DCBLD1: variants seen among roughly 807,000 people sequenced by gnomAD.
DCBLD1 encodes discoidin, CUB and LCCL domain containing 1, also known as discoidin, CUB and LCCL domain-containing protein 1.
In DCBLD1, 57 loss-of-function variants were observed where a neutral mutation model predicts 71.5. That is an observed-to-expected ratio of 0.80 (90% CI 0.64 to 0.99). The LOEUF (loss-of-function observed/expected upper bound fraction) is 0.99. Among genes scored for constraint, DCBLD1 ranks in the 50% least tolerant of loss-of-function variants. The probability of loss-of-function intolerance (pLI) is 0.00; values close to 1 mark genes in which losing one functional copy is unlikely to be tolerated. For missense variants in DCBLD1, 891 were observed against 923.5 expected (o/e 0.96, Z 0.46); for synonymous variants, 380 against 363.8 (o/e 1.04, Z -0.51).
Position 117,549,034 on chromosome 6 carries a change from G to C in DCBLD1, c.*595G>C. ...TACTTGAAGCATGAAAAGCACACCA[G>C]GGTGGTTGTTTATTTAGCAATTATG... On this transcript the variant is annotated 3_prime_UTR_variant, in exon 15 of 15. Coordinates refer to ENST00000338728, the MANE Select transcript of DCBLD1 (RefSeq NM_001366458.2). 1 of 986,482 alleles carries C rather than the reference G, an allele frequency of 1.0e-6. No individual in the cohort carries two copies. The highest frequency in any genetic ancestry group is 1.2e-6 in the Non-Finnish European group (1 of 830,756). 61.1% of individuals were successfully genotyped at this position (986,482 alleles called of 1,614,324 possible). A position where few individuals can be genotyped will look rare whatever the true frequency, so the allele number is the denominator to read the frequency against.
At chr6:117,487,859 T>C (rs1042378239) in intron 1 of DCBLD1, among the ~76,000 whole-genome samples, 3 of 151,922 alleles carry the variant, frequency 2.0e-5, no homozygotes, top group African/African-American at 7.3e-5. Context: ...TGAGGAGTCA[T>C]GTGGATGTTA....
chr6:117,550,993 C>T (rs1311651770), downstream of DCBLD1, among the ~76,000 whole-genome samples: 1 of 152,188 alleles, frequency 6.6e-6, no homozygotes, highest in Admixed American at 6.5e-5. Flanking sequence ...GCCCAAAACA[C>T]AGCCCATGCA....
chr6:117,554,939 T>G (rs1779478117), intron 14 of DCBLD1, among the ~76,000 whole-genome samples: 1 of 152,090 alleles, frequency 6.6e-6, no homozygotes, highest in Non-Finnish European at 1.5e-5. Context: ...TCTTTCTTTG[T>G]GGCAATCTTG....
intron 1 of DCBLD1, among the ~76,000 whole-genome samples, chr6:117,500,179 C>A (rs1582974229): frequency 1.3e-5 from 2 of 152,168 alleles, no homozygotes; most frequent in East Asian, 3.9e-4. Context: ...TGTGGAAGCA[C>A]AAGAGAGTGA....
chr6:117,543,790 T>TA (rs1189098171), intron 12 of DCBLD1, among the ~76,000 whole-genome samples: 2 of 152,066 alleles, frequency 1.3e-5, no homozygotes, highest in Non-Finnish European at 2.9e-5. Flanking sequence ...CCCTGAAGAG[T>TA]AAAAGGAATA....
chr6:117,534,375 A>C (rs772919695), intron 6 of DCBLD1, among the ~76,000 whole-genome samples: 5 of 152,204 alleles, frequency 3.3e-5, no homozygotes, highest in Non-Finnish European at 5.9e-5. Context: ...TGCACAGTAA[A>C]CCTTTAAATG....
At position 117,544,612 on chromosome 6, in the gene DCBLD1, C is replaced by T. The variant is rs376207251; in HGVS notation, c.1495+35C>T. On this transcript the variant is annotated intron_variant, in intron 13 of 14. Coordinates refer to ENST00000338728, the MANE Select transcript of DCBLD1 (RefSeq NM_001366458.2). ...AAACTCTATCTACAATTTTATCTGT[C>T]TTTGAGGAAGGGACAGGATCTGCTG... 1.0e-4 allele frequency: 165 copies of T among 1,611,980 alleles called. 3 individuals are homozygous for T. Among genetic ancestry groups the T allele is most frequent in the East Asian group, 9.4e-4 (42 of 44,804 alleles).
At chr6:117,536,163 A>G (rs1322789431) in intron 6 of DCBLD1, among the ~76,000 whole-genome samples, 4 of 152,192 alleles carry the variant, frequency 2.6e-5, no homozygotes, top group Admixed American at 2.6e-4. Context: ...ATGTTTTAGT[A>G]CTCTCTGTGT....
At chr6:117,542,025 G>T (rs559718485) in intron 11 of DCBLD1, among the ~76,000 whole-genome samples, 2 of 152,112 alleles carry the variant, frequency 1.3e-5, no homozygotes, top group East Asian at 3.9e-4. Flanking sequence ...GGGCACATTG[G>T]CTCATGCCTG....
rs979122802 is a variant in DCBLD1 at position 117,548,058 on chromosome 6, C to T, written c.1767C>T (p.Tyr589=). ...CGCAGCGGGCCGGCCGCCACGAGTA[C>T]GCGCTGCCCCTGGCGCCCCCGGAGC... ...DCPQRAGRHE[Y]ALPLAPPEPE... The change falls in exon 15 of 15, where the codon TAC becomes TAT. Residue 589 remains tyrosine, a synonymous_variant. Coordinates refer to ENST00000338728, the MANE Select transcript of DCBLD1 (RefSeq NM_001366458.2). 6.5e-6 allele frequency: 10 copies of T among 1,548,776 alleles called. No individual in the cohort carries two copies. Among genetic ancestry groups the T allele is most frequent in the African/African-American group, 4.1e-5 (3 of 73,102 alleles).
chr6:117,566,534 T>A (rs564208927), intron 14 of DCBLD1, among the ~76,000 whole-genome samples: 1 of 152,260 alleles, frequency 6.6e-6, no homozygotes, highest in Non-Finnish European at 1.5e-5. Context: ...GACAATGTAG[T>A]CTACAAGATA....
intron 1 of DCBLD1, 66 bp downstream of exon 1, chr6:117,482,959 GCGGGCCGGGC>G (rs568118087): frequency 1.6e-6 from 1 of 635,178 alleles, no homozygotes; most frequent in East Asian, 1.2e-4. Context: ...GGGCTGCGGG[GCGGGCCGGGC>G]CGGGCCGAGG....
chr6:117,563,536 ATGTGG>A, intron 14 of DCBLD1: 1 of 656,444 alleles, frequency 1.5e-6, no homozygotes, highest in Non-Finnish European at 2.6e-6. Context: ...AGCCTGGACA[ATGTGG>A]TGAAACCCCG....
chr6:117,520,678 C>T (rs764967598), intron 3 of DCBLD1, among the ~76,000 whole-genome samples: 4 of 152,178 alleles, frequency 2.6e-5, no homozygotes, highest in African/African-American at 9.7e-5. Flanking sequence ...GAGAGAGAAG[C>T]ACGGGCTCCT....
At chr6:117,490,264 C>T (rs1489532301) in intron 1 of DCBLD1, among the ~76,000 whole-genome samples, 1 of 152,190 alleles carries the variant, frequency 6.6e-6, no homozygotes, top group Non-Finnish European at 1.5e-5. Flanking sequence ...CCTCTGCTCC[C>T]TAGTCTGTGT....
intron 1 of DCBLD1, chr6:117,494,628 A>C (rs562244852): frequency 6.6e-6 from 1 of 152,320 alleles, no homozygotes; most frequent in Non-Finnish European, 1.5e-5. Flanking sequence ...GAAATTAAGA[A>C]ACTTCTCTTA....
chr6:117,517,900 G>T (rs754399555), intron 2 of DCBLD1, among the ~76,000 whole-genome samples: 3 of 152,226 alleles, frequency 2.0e-5, no homozygotes, highest in Non-Finnish European at 4.4e-5. Context: ...GGGAAGGGTT[G>T]CCTTGAAGAC....
intron 1 of DCBLD1, among the ~76,000 whole-genome samples, chr6:117,488,450 C>T (rs1777165237): frequency 6.6e-6 from 1 of 151,988 alleles, no homozygotes; most frequent in East Asian, 1.9e-4. Context: ...TCCAGACCAG[C>T]CTGGGCAACA....
chr6:117,539,456 T>A, intron 9 of DCBLD1, 77 bp downstream of exon 9: 1 of 1,453,116 alleles, frequency 6.9e-7, no homozygotes, highest in Non-Finnish European at 9.2e-7. Context: ...GTGTTTACAT[T>A]AAATATCTCA....
Sources: allele counts gnomAD v4.1 joint callset (sites outside exome capture counted in the v4.1 genomes callset), GRCh38; gene constraint gnomAD v4.1.1; transcripts MANE v1.5; gene names NCBI Gene and HGNC (gene_info 2026-07-23, HGNC 2026-07-21).